WDR7: variants seen among roughly 807,000 people sequenced by gnomAD.
The protein encoded by WDR7 is WD repeat domain 7.
WDR7 carries 46 observed loss-of-function variants against 169.4 expected under a neutral mutation model. The ratio of observed to expected loss-of-function variants is 0.27; its 90% CI spans 0.21 to 0.35. The LOEUF is 0.35. Ranked by LOEUF, WDR7 falls within the 10% of genes least tolerant of loss-of-function variation. The pLI, the probability that WDR7 is intolerant of heterozygous loss-of-function variation, is 1.00. For synonymous variants in WDR7, 612 were observed against 666.8 expected, an observed-to-expected ratio of 0.92 and a Z score of 1.27; for missense variants, 1,534 against 1,859.3, an observed-to-expected ratio of 0.83 and a Z score of 3.22.
intron 26 of WDR7, among the ~76,000 whole-genome samples, chr18:56,976,972 G>A (rs1334494921): frequency 6.6e-6 from 1 of 152,186 alleles, no homozygotes; most frequent in Non-Finnish European, 1.5e-5. Flanking sequence ...GATGGCAGAG[G>A]CTTTGGAATA....
intron 20 of WDR7, among the ~76,000 whole-genome samples, chr18:56,879,259 T>C (rs116462795): frequency 5.5e-4 from 84 of 152,308 alleles, no homozygotes; most frequent in African/African-American, 1.9e-3. Context: ...CATGAGGGTT[T>C]CCATTTCTGT....
At chr18:56,655,844 A>C (rs2144407416) in intron 1 of WDR7, among the ~76,000 whole-genome samples, 1 of 152,310 alleles carries the variant, frequency 6.6e-6, no homozygotes, top group South Asian at 2.1e-4. Flanking sequence ...CAAATTGTTG[A>C]ATGAGACAGT....
chr18:56,981,463 A>G (rs1247562038), intron 26 of WDR7, among the ~76,000 whole-genome samples: 1 of 152,160 alleles, frequency 6.6e-6, no homozygotes, highest in Non-Finnish European at 1.5e-5. Context: ...TGATGTATTT[A>G]GAGCTATGGC....
intron 26 of WDR7, among the ~76,000 whole-genome samples, chr18:57,002,555 A>T (rs1254170221): frequency 6.6e-6 from 1 of 152,214 alleles, no homozygotes; most frequent in East Asian, 1.9e-4. Context: ...TGAAGAGGAT[A>T]TAAGAAGCTA....
At chr18:56,908,461 C>T (rs1254220863) in intron 21 of WDR7, among the ~76,000 whole-genome samples, 11 of 152,150 alleles carry the variant, frequency 7.2e-5, no homozygotes, top group Non-Finnish European at 1.5e-4. Context: ...TGGTGTATTT[C>T]ATTTGCAATA....
chr18:57,010,893 C>T (rs80044087), intron 26 of WDR7, among the ~76,000 whole-genome samples: 5,685 of 152,150 alleles, frequency 0.037, 130 homozygotes, highest in Non-Finnish European at 0.053. Context: ...GAAAATGCTC[C>T]TAAAATCAGT....
At chr18:56,657,903 A>G (rs2024812505) in intron 1 of WDR7, among the ~76,000 whole-genome samples, 2 of 151,640 alleles carry the variant, frequency 1.3e-5, no homozygotes, top group Non-Finnish European at 1.5e-5. Context: ...TTTTCAAACT[A>G]TGTTGGTGAC....
At chr18:56,951,956 C>T (rs888216475) in intron 25 of WDR7, among the ~76,000 whole-genome samples, 2 of 151,874 alleles carry the variant, frequency 1.3e-5, no homozygotes, top group South Asian at 2.1e-4. Flanking sequence ...GTTTAAAAAC[C>T]CATTATATGT....
intron 25 of WDR7, among the ~76,000 whole-genome samples, chr18:56,941,062 A>G (rs79686836): frequency 0.027 from 4,059 of 152,248 alleles, 84 homozygotes; most frequent in African/African-American, 0.06. Flanking sequence ...CAATTTAATA[A>G]CATTTATTGA....
At chr18:56,988,590 AGTGTGTGTGTGTGTGTGT>A (rs71171009) in intron 26 of WDR7, among the ~76,000 whole-genome samples, 23 of 142,682 alleles carry the variant, frequency 1.6e-4, no homozygotes, top group South Asian at 2.4e-4. Flanking sequence ...ATGGAAGGCA[AGTGTGTGTGTGTGTGTGT>A]GTGTGTGTGT....
intron 26 of WDR7, among the ~76,000 whole-genome samples, chr18:56,995,796 C>G (rs1319672730): frequency 6.6e-6 from 1 of 152,164 alleles, no homozygotes; most frequent in African/African-American, 2.4e-5. Flanking sequence ...CAGACTGAGT[C>G]CCAGCGTCAG....
chr18:56,718,621 G>A (rs8092905), intron 13 of WDR7, among the ~76,000 whole-genome samples: 13 of 152,202 alleles, frequency 8.5e-5, no homozygotes, highest in Non-Finnish European at 1.8e-4. Context: ...GAAAGTTTAT[G>A]TATTGGGGGT....
At chr18:57,011,537 T>C (rs1168511476) in intron 26 of WDR7, among the ~76,000 whole-genome samples, 3 of 152,242 alleles carry the variant, frequency 2.0e-5, no homozygotes, top group Admixed American at 1.3e-4. Context: ...TAGATGGTGA[T>C]AGAAAATAAT....
chr18:56,790,331 G>A (rs964681997), intron 19 of WDR7, among the ~76,000 whole-genome samples: 1 of 152,114 alleles, frequency 6.6e-6, no homozygotes, highest in African/African-American at 2.4e-5. Flanking sequence ...TGATTGGATT[G>A]TGAGGCATTT....
intron 21 of WDR7, among the ~76,000 whole-genome samples, chr18:56,914,758 A>G (rs1348884306): frequency 6.6e-6 from 1 of 152,182 alleles, no homozygotes; most frequent in Non-Finnish European, 1.5e-5. Context: ...TTCCCTAGGT[A>G]GAAGACGGCT....
At chr18:56,888,076 A>G (rs995231934) in intron 21 of WDR7, among the ~76,000 whole-genome samples, 3 of 152,220 alleles carry the variant, frequency 2.0e-5, no homozygotes, top group Non-Finnish European at 4.4e-5. Flanking sequence ...ATGTAGTTAG[A>G]GGCATAGATA....
chr18:56,989,149 G>C (rs1378969307), intron 26 of WDR7, among the ~76,000 whole-genome samples: 4 of 151,280 alleles, frequency 2.6e-5, no homozygotes, highest in African/African-American at 9.7e-5. Flanking sequence ...GAATTTAACT[G>C]TGTCTTCTAA....
the WDR7 span, chr18:57,036,298 T>C: frequency 0.57 from 86,415 of 152,142 alleles, 25,747 homozygotes; most frequent in Admixed American, 0.67. Flanking sequence ...CGGCAGCTGA[T>C]ATTTCCCAAC....
chr18:56,696,193 T>C, intron 11 of WDR7, 49 bp from the exon 12 acceptor site: 3 of 1,477,564 alleles, frequency 2.0e-6, no homozygotes, highest in Non-Finnish European at 2.8e-6. Flanking sequence ...TTACTGAAAC[T>C]TGGTAAACCT....
Sources: gnomAD v4.1 joint callset for allele counts (sites outside exome capture counted in the v4.1 genomes callset) on GRCh38, gnomAD v4.1.1 for gene constraint, MANE v1.5 for transcripts, NCBI Gene and HGNC (gene_info 2026-07-23, HGNC 2026-07-21) for gene names.